Variants in DOCK1 observed in about 807,000 individuals in gnomAD.
DOCK1 encodes the protein dedicator of cytokinesis 1.
Under a neutral mutation model 262.7 loss-of-function variants are expected in DOCK1, and 138 were observed. That is an observed-to-expected ratio of 0.53 (90% CI 0.46 to 0.61). The LOEUF (loss-of-function observed/expected upper bound fraction) is 0.61. Ranked by LOEUF, DOCK1 falls within the 20% of genes least tolerant of loss-of-function variation. The probability of loss-of-function intolerance (pLI) is 0.00; values close to 1 mark genes in which losing one functional copy is unlikely to be tolerated. For synonymous variants in DOCK1, 866 were observed against 867.4 expected (o/e 1.00, Z 0.03); for missense variants, 1,908 against 2,370.7 (o/e 0.80, Z 4.05).
intron 32 of DOCK1, among the ~76,000 whole-genome samples, chr10:127,357,720 AAAC>A (rs1344099948): frequency 6.6e-6 from 1 of 152,224 alleles, no homozygotes; most frequent in Non-Finnish European, 1.5e-5. Context: ...AGGGACTTGG[AAAC>A]AACAAGAAGT....
chr10:126,984,174 T>C (rs958268994), intron 4 of DOCK1, among the ~76,000 whole-genome samples: 4 of 152,160 alleles, frequency 2.6e-5, no homozygotes, highest in African/African-American at 9.7e-5. Flanking sequence ...TCAGCTGATC[T>C]GTCTCTGTGG....
intron 29 of DOCK1, among the ~76,000 whole-genome samples, chr10:127,298,517 G>A (rs974745774): frequency 2.0e-5 from 3 of 152,106 alleles, no homozygotes; most frequent in African/African-American, 7.2e-5. Flanking sequence ...AGAAGCAATC[G>A]CTTTGACCAT....
At chr10:127,257,147 C>T (rs770057191) in intron 28 of DOCK1, among the ~76,000 whole-genome samples, 188 bp from the exon 29 acceptor site, 10 of 152,176 alleles carry the variant, frequency 6.6e-5, no homozygotes, top group Non-Finnish European at 1.2e-4. Flanking sequence ...CCGTCTCAGA[C>T]AGGAGGTGCT....
chr10:126,940,472 C>G, intron 1 of DOCK1, among the ~76,000 whole-genome samples: 1 of 152,154 alleles, frequency 6.6e-6, no homozygotes, highest in East Asian at 1.9e-4. Flanking sequence ...GGTATAATCT[C>G]GGCTCACTGC....
chr10:127,116,732 T>C (rs2049207182), intron 25 of DOCK1, among the ~76,000 whole-genome samples: 1 of 152,224 alleles, frequency 6.6e-6, no homozygotes, highest in South Asian at 2.1e-4. Context: ...CTGGAGCTAC[T>C]CTGCAGTAGT....
At chr10:127,377,891 C>CAA (rs71490127) in intron 35 of DOCK1, among the ~76,000 whole-genome samples, 1,509 of 104,564 alleles carry the variant, frequency 0.014, 30 homozygotes, top group East Asian at 0.028. Context: ...GACTCTGTCT[C>CAA]AAAAAAAAAA....
At chr10:127,002,582 G>GC (rs1339914758) in intron 10 of DOCK1, among the ~76,000 whole-genome samples, 2 of 152,014 alleles carry the variant, frequency 1.3e-5, no homozygotes, top group Admixed American at 6.6e-5. Context: ...GTTAGGTTGG[G>GC]CCCCCCAGCT....
rs41282904 is a variant in DOCK1, at chr10:127,419,836, A to T, written c.4776+87A>T. The T allele has an allele frequency of 2.2e-3, 3,049 of 1,401,510 alleles. 6 individuals carry two copies. Among genetic ancestry groups the T allele is most frequent in the Non-Finnish European group, 2.7e-3 (2,725 of 1,021,794 alleles). The allele number at this position is 1,401,510 out of a possible 1,614,324, so 86.8% of individuals were successfully genotyped here. On this transcript the variant is annotated intron_variant, in intron 46 of 51. Transcript: ENST00000623213. ...TCAGCACACACACCAGCCAGCATGG[A>T]GGTCCCTGGGCTGCAGTCCTGATGC...
chr10:127,106,744 C>T (rs2048551185), intron 24 of DOCK1, among the ~76,000 whole-genome samples: 1 of 151,996 alleles, frequency 6.6e-6, no homozygotes, highest in Non-Finnish European at 1.5e-5. Flanking sequence ...TCAGAAGTTA[C>T]TAAGAAAATA....
intron 27 of DOCK1, among the ~76,000 whole-genome samples, chr10:127,150,923 G>A (rs544412677): frequency 3.6e-4 from 55 of 152,286 alleles, no homozygotes; most frequent in African/African-American, 7.7e-4. Context: ...CAAAGAAAAC[G>A]TCTGGGCCTC....
In DOCK1 at chr10:127,152,744, G is replaced by A. The variant is rs149980934; in HGVS notation, c.2847+24980G>A. ...TTCCAGACTTTGCAAATGGCCCATT[G>A]GTTCAGAACCTCTGAGGTTAAGGAA... On this transcript the variant is annotated intron_variant, in intron 27 of 51. Transcript: ENST00000623213. Among the ~76,000 whole-genome samples, 45 of 152,314 alleles carry A rather than the reference G, an allele frequency of 3.0e-4. No homozygotes were observed. The East Asian group carries it at 8.1e-3, about 27-fold the overall frequency.
intron 1 of DOCK1, among the ~76,000 whole-genome samples, chr10:126,918,899 C>T (rs10794140): frequency 0.37 from 50,066 of 133,674 alleles, 8,726 homozygotes; most frequent in East Asian, 0.68. Flanking sequence ...ACGGAGGATT[C>T]GGACAGGTGG....
intron 49 of DOCK1, among the ~76,000 whole-genome samples, chr10:127,439,938 C>T (rs952103336): frequency 6.6e-6 from 1 of 152,116 alleles, no homozygotes; most frequent in African/African-American, 2.4e-5. Flanking sequence ...CCCAGAAGTG[C>T]ACCACATTGG....
intron 16 of DOCK1, among the ~76,000 whole-genome samples, chr10:127,031,312 C>T (rs558496735): frequency 2.6e-5 from 4 of 152,260 alleles, no homozygotes; most frequent in South Asian, 2.1e-4. Flanking sequence ...TCTAGTGTTG[C>T]GGGCTTTCCT....
chr10:127,261,643 GCATGTGTGTGCATGTGGGTGT>G (rs2060129252), intron 29 of DOCK1, among the ~76,000 whole-genome samples: 2 of 73,302 alleles, frequency 2.7e-5, no homozygotes, highest in Non-Finnish European at 5.5e-5. Flanking sequence ...ATGTGTACCT[GCATGTGTGTGCATGTGGGTGT>G]GTGTGTACCT....
chr10:127,020,236 T>C (rs1321056164), intron 13 of DOCK1, among the ~76,000 whole-genome samples: 3 of 152,230 alleles, frequency 2.0e-5, no homozygotes, highest in Non-Finnish European at 4.4e-5. Flanking sequence ...TGTATACTTA[T>C]TATTTGTATT....
At chr10:127,133,887 C>T (rs1040394851) in intron 27 of DOCK1, among the ~76,000 whole-genome samples, 2 of 152,208 alleles carry the variant, frequency 1.3e-5, no homozygotes, top group African/African-American at 4.8e-5. Flanking sequence ...GCTGCACATG[C>T]AGTGCCTGCA....
chr10:127,117,789 C>T (rs1355556683), intron 25 of DOCK1, among the ~76,000 whole-genome samples: 2 of 152,092 alleles, frequency 1.3e-5, no homozygotes, highest in African/African-American at 4.8e-5. Context: ...GAAAGCAAGT[C>T]CCTGAGTCTC....
chr10:126,937,064 C>G (rs2034602610), intron 1 of DOCK1, among the ~76,000 whole-genome samples: 1 of 152,094 alleles, frequency 6.6e-6, no homozygotes, highest in Admixed American at 6.6e-5. Context: ...TTAGACGACT[C>G]TAGGAACTTC....
Sources: allele counts gnomAD v4.1 joint callset (sites outside exome capture counted in the v4.1 genomes callset), GRCh38; gene constraint gnomAD v4.1.1; transcripts MANE v1.5; gene names NCBI Gene and HGNC (gene_info 2026-07-23, HGNC 2026-07-21).